Variants in KLF9 observed in about 807,000 individuals in gnomAD.
KLF9 encodes KLF transcription factor 9, also known as Krueppel-like factor 9.
Under a neutral mutation model 17.3 loss-of-function variants are expected in KLF9, and 2 were observed. That is an observed-to-expected ratio of 0.12 (90% CI 0.05 to 0.36). The LOEUF (loss-of-function observed/expected upper bound fraction) is 0.36. KLF9 is among the 10% of genes least tolerant of loss of function. The pLI, the probability that KLF9 is intolerant of heterozygous loss-of-function variation, is 1.00. For synonymous variants in KLF9, 138 were observed against 139.2 expected, an observed-to-expected ratio of 0.99 and a Z score of 0.06; for missense variants, 226 against 333.2, an observed-to-expected ratio of 0.68 and a Z score of 2.51.
chr9:70,409,549 A>G (rs1171894241), intron 1 of KLF9, among the ~76,000 whole-genome samples: 1 of 152,086 alleles, frequency 6.6e-6, no homozygotes, highest in African/African-American at 2.4e-5. Context: ...CCCATACTCT[A>G]TGTGAAAGGT....
chr9:70,394,906 A>G (rs2037174314), intron 1 of KLF9, among the ~76,000 whole-genome samples: 1 of 152,244 alleles, frequency 6.6e-6, no homozygotes, highest in Admixed American at 6.5e-5. Context: ...GAATATGGCA[A>G]TTCTGTACAA....
chr9:70,391,317 A>C (rs1246570063), intron 1 of KLF9, among the ~76,000 whole-genome samples: 1 of 152,206 alleles, frequency 6.6e-6, no homozygotes, highest in Non-Finnish European at 1.5e-5. Flanking sequence ...CATATATTTC[A>C]AGTGTAATCA....
intron 1 of KLF9, among the ~76,000 whole-genome samples, chr9:70,402,308 G>T (rs2037227618): frequency 1.3e-5 from 2 of 152,258 alleles, no homozygotes; most frequent in South Asian, 4.1e-4. Context: ...ATGTGTTTTT[G>T]TTAAGTTGTT....
At chr9:70,409,038 GTATATATA>G (rs1308287258) in intron 1 of KLF9, among the ~76,000 whole-genome samples, 2 of 119,518 alleles carry the variant, frequency 1.7e-5, no homozygotes, top group African/African-American at 6.2e-5. Flanking sequence ...ATATATATGT[GTATATATA>G]TATACATATA....
In KLF9 at chr9:70,409,038, G is replaced by GTATA. The variant is rs1308287258; in HGVS notation, c.505+3817_505+3820dup. ...CACATATATGTATATATATATATGT[G>GTATA]TATATATATATACATATATGTGTAT... On this transcript the variant is annotated intron_variant, in intron 1 of 1. Transcript: ENST00000377126. Among the ~76,000 whole-genome samples the GTATA allele has an allele frequency of 1.1e-4, 13 of 119,514 alleles. 1 individual carries two copies. The highest frequency in any genetic ancestry group is 2.8e-4 in the Admixed American group (3 of 10,766). The allele number at this position is 119,514 out of a possible 152,430, so 78.4% of individuals were successfully genotyped here.
At chr9:70,407,486 G>A (rs2037264155) in intron 1 of KLF9, among the ~76,000 whole-genome samples, 1 of 152,200 alleles carries the variant, frequency 6.6e-6, no homozygotes, top group Non-Finnish European at 1.5e-5. Context: ...AAGGGAAACA[G>A]TGTGCGTACT....
Position 70,387,564 on chromosome 9 carries a change from G to A in KLF9, c.*212C>T. ...CGGGTTCAGAGAGTTGCCTCTTCAA[G>A]GGGACCGAGTGTTGTTGACTTTGAT... On this transcript the variant is annotated 3_prime_UTR_variant, in exon 2 of 2. Coordinates refer to ENST00000377126, the MANE Select transcript of KLF9 (RefSeq NM_001206.4). The A allele has an allele frequency of 1.8e-6, 1 of 566,782 alleles. No individual in the cohort carries two copies. The highest frequency in any genetic ancestry group is 3.2e-6 in the Non-Finnish European group (1 of 316,006). The allele number at this position is 566,782 out of a possible 1,614,324, so 35.1% of individuals were successfully genotyped here.
At chr9:70,395,363 G>A (rs1005081575) in intron 1 of KLF9, among the ~76,000 whole-genome samples, 5 of 151,000 alleles carry the variant, frequency 3.3e-5, no homozygotes, top group African/African-American at 7.3e-5. Flanking sequence ...AAGCCATAAC[G>A]ATAAAATATA....
intron 1 of KLF9, among the ~76,000 whole-genome samples, chr9:70,394,870 C>A (rs2118911361): frequency 6.6e-6 from 1 of 152,256 alleles, no homozygotes; most frequent in East Asian, 1.9e-4. Flanking sequence ...CTTGCCATGC[C>A]TTTGGATGGT....
At chr9:70,393,893 T>A (rs1000048041) in intron 1 of KLF9, among the ~76,000 whole-genome samples, 1 of 151,994 alleles carries the variant, frequency 6.6e-6, no homozygotes, top group Non-Finnish European at 1.5e-5. Context: ...GTAGTGGTGC[T>A]TGCCTGTGGT....
At chr9:70,397,801 C>T (rs1381708198) in intron 1 of KLF9, among the ~76,000 whole-genome samples, 1 of 152,254 alleles carries the variant, frequency 6.6e-6, no homozygotes, top group East Asian at 1.9e-4. Context: ...AGGCCTCAAG[C>T]ACCCCATTTG....
intron 1 of KLF9, among the ~76,000 whole-genome samples, chr9:70,395,164 T>C (rs1033949390): frequency 1.3e-5 from 2 of 152,148 alleles, no homozygotes; most frequent in Non-Finnish European, 2.9e-5. Context: ...GGTCTGAAAA[T>C]AACCTTAAGA....
At chr9:70,393,294 C>T (rs2037163295) in intron 1 of KLF9, among the ~76,000 whole-genome samples, 1 of 152,196 alleles carries the variant, frequency 6.6e-6, no homozygotes, top group Admixed American at 6.5e-5. Flanking sequence ...GAGAGGGAGC[C>T]TCCTCGACTG....
At chr9:70,398,098 T>C (rs942790171) in intron 1 of KLF9, among the ~76,000 whole-genome samples, 94 of 152,300 alleles carry the variant, frequency 6.2e-4, no homozygotes, top group Non-Finnish European at 3.5e-4. Context: ...AAATGTTAAA[T>C]AGGCTTTGAA....
intron 1 of KLF9, among the ~76,000 whole-genome samples, chr9:70,411,185 C>T (rs1426022059): frequency 6.6e-6 from 1 of 152,226 alleles, no homozygotes; most frequent in African/African-American, 2.4e-5. Context: ...CTGAGTCGGA[C>T]AGACTCTGGC....
intron 1 of KLF9, among the ~76,000 whole-genome samples, chr9:70,390,578 T>C (rs796144025): frequency 2.8e-4 from 43 of 152,276 alleles, no homozygotes; most frequent in African/African-American, 1.0e-3. Flanking sequence ...AATAATGTCA[T>C]GTATGACTTT....
chr9:70,392,354 CTT>C (rs1449263003), intron 1 of KLF9, among the ~76,000 whole-genome samples: 3 of 152,132 alleles, frequency 2.0e-5, no homozygotes, highest in Non-Finnish European at 4.4e-5. Flanking sequence ...GCTTCCCCTA[CTT>C]AGAGGCATTC....
At chr9:70,411,858 T>G (rs575082012) in intron 1 of KLF9, among the ~76,000 whole-genome samples, 1 of 152,298 alleles carries the variant, frequency 6.6e-6, no homozygotes, top group African/African-American at 2.4e-5. Context: ...TGAATGGCGC[T>G]TGTAAAAGAA....
chr9:70,409,180 GTATACATATACATGTATATGTA>G (rs1269414931), intron 1 of KLF9, among the ~76,000 whole-genome samples: 3 of 72,160 alleles, frequency 4.2e-5, no homozygotes, highest in Non-Finnish European at 9.2e-5. Flanking sequence ...GTATATATAT[GTATACATATACATGTATATGTA>G]TATATATATA....
Sources: gnomAD v4.1 joint callset for allele counts (sites outside exome capture counted in the v4.1 genomes callset) on GRCh38, gnomAD v4.1.1 for gene constraint, MANE v1.5 for transcripts, NCBI Gene and HGNC (gene_info 2026-07-23, HGNC 2026-07-21) for gene names.